Variants in TMEM131 observed in about 807,000 individuals in gnomAD.
TMEM131 encodes the protein 2610524E03Rik.
Under a neutral mutation model 211.6 loss-of-function variants are expected in TMEM131, and 66 were observed. That is an observed-to-expected ratio of 0.31 (90% CI 0.26 to 0.38). TMEM131 has a LOEUF of 0.38. Ranked by LOEUF, TMEM131 falls within the 10% of genes least tolerant of loss-of-function variation. The pLI, the probability that TMEM131 is intolerant of heterozygous loss-of-function variation, is 1.00. For synonymous variants in TMEM131, 844 were observed against 841.3 expected (o/e 1.00, Z -0.06); for missense variants, 2,036 against 2,299.3 (o/e 0.89, Z 2.34).
At chr2:97,897,281 T>G (rs1325379009) in intron 3 of TMEM131, among the ~76,000 whole-genome samples, 1 of 152,114 alleles carries the variant, frequency 6.6e-6, no homozygotes, top group Non-Finnish European at 1.5e-5. Flanking sequence ...TTTCTTGTCT[T>G]AATGTAATGA....
At chr2:97,817,606 A>C (rs1681892082) in intron 12 of TMEM131, among the ~76,000 whole-genome samples, 1 of 152,226 alleles carries the variant, frequency 6.6e-6, no homozygotes, top group Non-Finnish European at 1.5e-5. Flanking sequence ...TGTATCATGA[A>C]GTATGCTGCC....
intron 1 of TMEM131, among the ~76,000 whole-genome samples, chr2:97,942,949 C>A (rs980602407): frequency 2.9e-4 from 41 of 143,550 alleles, no homozygotes; most frequent in African/African-American, 1.1e-3. Flanking sequence ...TAGCAACATA[C>A]CATGGCTACA....
intron 5 of TMEM131, among the ~76,000 whole-genome samples, chr2:97,856,918 G>GGA (rs1673872412): frequency 6.6e-6 from 1 of 152,194 alleles, no homozygotes; most frequent in African/African-American, 2.4e-5. Flanking sequence ...TGTGGATTTT[G>GGA]ATAGGTGTAA....
chr2:97,761,246 C>T lies in TMEM131; in HGVS notation c.4890-332G>A, dbSNP rs984421381. 3 of 210,862 alleles carry T rather than the reference C, an allele frequency of 1.4e-5. No homozygotes were observed. The East Asian group carries it at 3.4e-4, about 24-fold the overall frequency. The allele number at this position is 210,862 out of a possible 1,614,324, so 13.1% of individuals were successfully genotyped here. On this transcript the variant is annotated intron_variant, in intron 36 of 40. Transcript: ENST00000186436. ...GGCAGGAAATGCAGAGGGCAGCCAC[C>T]GACACCGGAAAGGGCGGGGCCTCAG...
At chr2:97,892,578 G>C (rs989823523) in intron 3 of TMEM131, among the ~76,000 whole-genome samples, 2 of 152,136 alleles carry the variant, frequency 1.3e-5, no homozygotes, top group African/African-American at 4.8e-5. Context: ...CCCCAGGCTA[G>C]TTTCAAACTC....
intron 6 of TMEM131, among the ~76,000 whole-genome samples, chr2:97,843,452 C>T (rs1683290896): frequency 6.6e-6 from 1 of 152,184 alleles, no homozygotes; most frequent in Admixed American, 6.5e-5. Flanking sequence ...CCTCCCACTT[C>T]AGCCTCCCGA....
chr2:97,849,772 AT>A (rs1165326323), intron 5 of TMEM131, among the ~76,000 whole-genome samples: 2 of 107,252 alleles, frequency 1.9e-5, no homozygotes, highest in Non-Finnish European at 3.5e-5. Context: ...AGGGTTGCGG[AT>A]TCACTCAAGC....
At chr2:97,955,939 T>C (rs1678547571) in intron 1 of TMEM131, among the ~76,000 whole-genome samples, 1 of 152,254 alleles carries the variant, frequency 6.6e-6, no homozygotes, top group African/African-American at 2.4e-5. Flanking sequence ...ATGCAATTCC[T>C]ATCAATATCT....
intron 4 of TMEM131, among the ~76,000 whole-genome samples, chr2:97,882,393 T>C (rs769931384): frequency 1.2e-4 from 19 of 152,218 alleles, no homozygotes; most frequent in Non-Finnish European, 4.4e-5. Flanking sequence ...GCCAACATAA[T>C]TAAAGTCCCT....
chr2:97,762,888 C>T (rs1559342773), intron 35 of TMEM131: 1 of 152,240 alleles, frequency 6.6e-6, no homozygotes, highest in Admixed American at 6.5e-5. Context: ...CATAAAATAA[C>T]ATTCTCTACT....
intron 4 of TMEM131, among the ~76,000 whole-genome samples, chr2:97,886,886 C>A (rs987980439): frequency 2.6e-5 from 4 of 152,160 alleles, no homozygotes; most frequent in African/African-American, 9.7e-5. Flanking sequence ...TTTGACTCAG[C>A]AAGATGAAAA....
intron 2 of TMEM131, chr2:97,912,926 AAAATATTATT>A (rs1676346916): frequency 6.6e-6 from 1 of 152,224 alleles, no homozygotes; most frequent in Non-Finnish European, 1.5e-5. Context: ...GATATGCTTT[AAAATATTATT>A]AAATTCTTTT....
intron 3 of TMEM131, among the ~76,000 whole-genome samples, chr2:97,903,393 G>A (rs1479858467): frequency 6.6e-6 from 1 of 152,150 alleles, no homozygotes; most frequent in African/African-American, 2.4e-5. Context: ...TAGATTAAGT[G>A]TGATAGAATT....
chr2:97,849,766 T>C (rs892069368), intron 5 of TMEM131, among the ~76,000 whole-genome samples: 1 of 147,012 alleles, frequency 6.8e-6, no homozygotes, highest in Non-Finnish European at 1.5e-5. Context: ...TCCACGAGGG[T>C]TGCGGATTCA....
chr2:97,989,760 A>G (rs1216652206), intron 1 of TMEM131, among the ~76,000 whole-genome samples: 3 of 152,224 alleles, frequency 2.0e-5, no homozygotes, highest in Non-Finnish European at 4.4e-5. Flanking sequence ...AACAAAATCA[A>G]TCAGGCAAAT....
At chr2:97,974,467 T>TA (rs1401319286) in intron 1 of TMEM131, among the ~76,000 whole-genome samples, 1 of 151,912 alleles carries the variant, frequency 6.6e-6, no homozygotes, top group African/African-American at 2.4e-5. Context: ...GTCCCAAACT[T>TA]AATGAAAACT....
At chr2:97,900,741 T>C (rs980569284) in intron 3 of TMEM131, among the ~76,000 whole-genome samples, 1 of 152,152 alleles carries the variant, frequency 6.6e-6, no homozygotes, top group African/African-American at 2.4e-5. Context: ...AGTTATGAAT[T>C]TGCTGGATCA....
chr2:97,773,516 G>A (rs1250145353), intron 32 of TMEM131, among the ~76,000 whole-genome samples: 1 of 152,196 alleles, frequency 6.6e-6, no homozygotes, highest in Non-Finnish European at 1.5e-5. Flanking sequence ...CTACCCAGCT[G>A]GCCCAGCCAG....
intron 1 of TMEM131, among the ~76,000 whole-genome samples, chr2:97,938,185 C>A (rs892397322): frequency 6.6e-6 from 1 of 152,134 alleles, no homozygotes; most frequent in African/African-American, 2.4e-5. Context: ...ACAATATTAA[C>A]CTTAAATGTA....
Sources: allele counts gnomAD v4.1 joint callset (sites outside exome capture counted in the v4.1 genomes callset), GRCh38; gene constraint gnomAD v4.1.1; transcripts MANE v1.5; gene names NCBI Gene and HGNC (gene_info 2026-07-23, HGNC 2026-07-21).